The following CCDC62 variants were observed in gnomAD, a reference collection of about 807,000 sequenced individuals.
The protein encoded by CCDC62 is coiled-coil domain containing 62.
Under a neutral mutation model 80.8 loss-of-function variants are expected in CCDC62, and 72 were observed. That is an observed-to-expected ratio of 0.89 (90% CI 0.74 to 1.08). The LOEUF (loss-of-function observed/expected upper bound fraction) is 1.08, where lower values mean the gene tolerates loss of function less well. CCDC62 is among the 50% of genes least tolerant of loss of function. The pLI is 0.00. For missense variants in CCDC62, 704 were observed against 809.4 expected, an observed-to-expected ratio of 0.87 and a Z score of 1.58; for synonymous variants, 286 against 296.5, an observed-to-expected ratio of 0.96 and a Z score of 0.36.
At chr12:122,787,540 A>T (rs1359896437) in intron 4 of CCDC62, among the ~76,000 whole-genome samples, 3 of 151,932 alleles carry the variant, frequency 2.0e-5, no homozygotes, top group Non-Finnish European at 4.4e-5. Context: ...TCACAAGGCC[A>T]AGAGATTGAG....
chr12:122,793,437 G>A (rs952912300), intron 6 of CCDC62, among the ~76,000 whole-genome samples: 6 of 152,112 alleles, frequency 3.9e-5, no homozygotes, highest in Non-Finnish European at 5.9e-5. Context: ...ATTCTCAGTT[G>A]GGAGTGGAGA....
intron 8 of CCDC62, among the ~76,000 whole-genome samples, chr12:122,800,306 C>T (rs1038463670): frequency 6.6e-6 from 1 of 150,994 alleles, no homozygotes; most frequent in East Asian, 1.9e-4. Flanking sequence ...ATAGGCTGGA[C>T]GCCATGGCTC....
chr12:122,809,377 C>T (rs1339700755), intron 10 of CCDC62, among the ~76,000 whole-genome samples: 1 of 152,092 alleles, frequency 6.6e-6, no homozygotes, highest in Non-Finnish European at 1.5e-5. Flanking sequence ...GTGGTCCCAG[C>T]CACTCAAGAG....
At position 122,801,015 on chromosome 12, in the gene CCDC62, C is replaced by A. The variant is rs1427516179; in HGVS notation, c.978-109C>A. 2.5e-6 allele frequency: 3 copies of A among 1,204,866 alleles called. No homozygotes were observed. The East Asian group carries it at 7.1e-5, about 28-fold the overall frequency. 74.6% of individuals were successfully genotyped at this position (1,204,866 alleles called of 1,614,324 possible). A position where few individuals can be genotyped will look rare whatever the true frequency, so the allele number is the denominator to read the frequency against. The stretch of plus-strand genomic sequence containing the variant: ...CTGGAATTGGGCTCTGAGGTTCAGA[C>A]AAACGAGTCTCATTGGGATTTAGCT... On this transcript the variant is annotated intron_variant, in intron 8 of 12. Transcript: ENST00000253079.
At position 122,780,266 on chromosome 12, in the gene CCDC62, G is replaced by C. The variant is rs547131066; in HGVS notation, c.230-898G>C. Among the ~76,000 whole-genome samples the C allele has an allele frequency of 4.7e-5, 7 of 148,586 alleles. No homozygotes were observed. The East Asian group carries it at 1.4e-3, about 30-fold the overall frequency. On this transcript the variant is annotated intron_variant, in intron 2 of 12. Coordinates refer to ENST00000253079, the MANE Select transcript of CCDC62 (RefSeq NM_201435.5). ...GTGGAGGTTGCAGTAAGCCGAGATC[G>C]TGCCGTTGCCCTCCAGCCTGGGCAA...
intron 8 of CCDC62, among the ~76,000 whole-genome samples, chr12:122,798,781 CAAAAAAT>C (rs1242597246): frequency 1.3e-5 from 2 of 150,854 alleles, no homozygotes; most frequent in Non-Finnish European, 3.0e-5. Context: ...AACTCCGTCT[CAAAAAAT>C]AAATAAATAG....
rs561835586 is a variant in CCDC62 at position 122,826,815 on chromosome 12, A to G, written c.*434A>G. ...TTTTAAAAAATCTGTGCATACATTT[A>G]AATTCTAAACAATAGCTTATCAGAG... On this transcript the variant is annotated 3_prime_UTR_variant, in exon 13 of 13. Transcript: ENST00000253079. The G allele has an allele frequency of 5.3e-6, 1 of 187,470 alleles. No homozygotes were observed. The highest frequency in any genetic ancestry group is 2.3e-5 in the African/African-American group (1 of 42,972). 11.6% of individuals were successfully genotyped at this position (187,470 alleles called of 1,614,324 possible).
chr12:122,814,009 T>C (rs12811036), intron 11 of CCDC62, among the ~76,000 whole-genome samples: 127,687 of 151,378 alleles, frequency 0.84, 55,061 homozygotes, highest in East Asian at 0.99. Flanking sequence ...AGGCCGGGCG[T>C]GGTGGCTCAT....
At chr12:122,812,777 G>GAGAGAGAGAA (rs750420995) in intron 10 of CCDC62, among the ~76,000 whole-genome samples, 27 of 57,782 alleles carry the variant, frequency 4.7e-4, no homozygotes, top group African/African-American at 2.0e-3. Context: ...GAGAGAGAGA[G>GAGAGAGAGAA]AGAAAGAAAG....
At chr12:122,814,654 C>T (rs970626458) in intron 11 of CCDC62, among the ~76,000 whole-genome samples, 4 of 151,694 alleles carry the variant, frequency 2.6e-5, no homozygotes, top group South Asian at 2.1e-4. Context: ...ATTACAGGCA[C>T]CTGCCACCAT....
chr12:122,790,339 C>G (rs2030525350), intron 5 of CCDC62, among the ~76,000 whole-genome samples: 2 of 140,908 alleles, frequency 1.4e-5, no homozygotes, highest in East Asian at 4.2e-4. Flanking sequence ...CATGAGCCAC[C>G]ACACCCAGCT....
chr12:122,813,525 G>A, intron 11 of CCDC62, 106 bp downstream of exon 11: 1 of 1,030,870 alleles, frequency 9.7e-7, no homozygotes, highest in Non-Finnish European at 1.4e-6. Context: ...TAGAGGGAGA[G>A]TTTCTGTGTC....
intron 6 of CCDC62, among the ~76,000 whole-genome samples, chr12:122,793,023 C>T (rs561801294): frequency 3.6e-4 from 55 of 152,130 alleles, no homozygotes; most frequent in African/African-American, 8.4e-4. Flanking sequence ...ATAAACCCCT[C>T]GCAAGTCAAA....
In CCDC62 at chr12:122,801,682, C is replaced by G; in HGVS notation, c.1536C>G (p.Asp512Glu). The change falls in exon 9 of 13, where the codon GAC becomes GAG. Residue 512 changes from aspartate to glutamate, a missense_variant. Asp to Glu is a conservative substitution (Grantham distance 45, BLOSUM62 2). Coordinates refer to ENST00000253079, the MANE Select transcript of CCDC62 (RefSeq NM_201435.5). ...EACLGESGMC[D>E]SKCCHPSNFI... ...GTCTGGGCGAAAGTGGCATGTGTGA[C>G]TCCAAGTGCTGCCACCCGAGTAACT... 6.2e-7 allele frequency: 1 copy of G among 1,614,198 alleles called. No homozygotes were observed.
At chr12:122,803,517 G>A (rs1218027789) in intron 9 of CCDC62, among the ~76,000 whole-genome samples, 1 of 152,100 alleles carries the variant, frequency 6.6e-6, no homozygotes, top group Non-Finnish European at 1.5e-5. Flanking sequence ...TCTATATTGA[G>A]AGGCGTATTT....
rs1593815503 is a variant in CCDC62 at position 122,806,185 on chromosome 12, G to T, written c.1741G>T (p.Gly581Cys). The T allele has an allele frequency of 1.2e-6, 2 of 1,613,262 alleles. No individual in the cohort carries two copies. Among genetic ancestry groups the T allele is most frequent in the African/African-American group, 1.3e-5 (1 of 74,980 alleles). ...LIAIQDSHSL[G>C]SSKSALREDE... ...TGCCATCCAAGATTCCCACTCTTTG[G>T]GTTCTTCAAAATCTGCCTTGAGAGA... The change falls in exon 10 of 13, where the codon GGT (glycine) becomes TGT (cysteine). Residue 581 changes from glycine to cysteine, a missense_variant. Transcript: ENST00000253079.
At chr12:122,777,729 A>AGC in intron 2 of CCDC62, 46 bp downstream of exon 2, 1 of 1,527,284 alleles carries the variant, frequency 6.5e-7, no homozygotes, top group Non-Finnish European at 9.1e-7. Flanking sequence ...TCTGTGTGCT[A>AGC]ACACATTGAT....
chr12:122,796,983 G>T (rs2030998063), intron 6 of CCDC62, among the ~76,000 whole-genome samples: 1 of 150,096 alleles, frequency 6.7e-6, no homozygotes, highest in African/African-American at 2.5e-5. Context: ...AGGTTCAAAT[G>T]ATTTTCCTGC....
At chr12:122,800,378 C>T (rs2031225443) in intron 8 of CCDC62, among the ~76,000 whole-genome samples, 1 of 150,800 alleles carries the variant, frequency 6.6e-6, no homozygotes. Flanking sequence ...GCCAGGAGTT[C>T]AAGAGCAGCC....
Sources: allele counts gnomAD v4.1 joint callset (sites outside exome capture counted in the v4.1 genomes callset), GRCh38; gene constraint gnomAD v4.1.1; transcripts MANE v1.5; gene names NCBI Gene and HGNC (gene_info 2026-07-23, HGNC 2026-07-21).